Variants in STX18 observed in about 807,000 individuals in gnomAD.
STX18 encodes the protein syntaxin-18.
In STX18, 40 loss-of-function variants were observed where a neutral mutation model predicts 50.1. The observed-to-expected ratio is 0.80, with a 90% confidence interval of 0.62 to 1.04. The LOEUF is 1.04. Ranked by LOEUF, STX18 falls within the 50% of genes least tolerant of loss-of-function variation. STX18 has a pLI of 0.00. For missense variants in STX18, 410 were observed against 415.8 expected, an observed-to-expected ratio of 0.99 and a Z score of 0.12; for synonymous variants, 158 against 151.8, an observed-to-expected ratio of 1.04 and a Z score of -0.30.
intron 1 of STX18, among the ~76,000 whole-genome samples, chr4:4,516,489 C>G (rs1259664228): frequency 6.6e-6 from 1 of 151,978 alleles, no homozygotes; most frequent in Non-Finnish European, 1.5e-5. Context: ...TGCCTCTTTT[C>G]CGACAGGAAT....
At chr4:4,514,173 C>T (rs1275267110) in intron 1 of STX18, among the ~76,000 whole-genome samples, 2 of 152,160 alleles carry the variant, frequency 1.3e-5, no homozygotes, top group African/African-American at 4.8e-5. Flanking sequence ...TTCTGCAAGG[C>T]TTCTCCAAGA....
Position 4,425,186 on chromosome 4 carries a change from T to G in STX18, c.739A>C (p.Asn247His). Residue 247 changes from asparagine (N) to histidine (H), a missense_variant, in exon 8 of 11, where the codon AAC becomes CAC. Physicochemically the swap from Asn to His is moderately conservative, Grantham distance 68 (BLOSUM62 1). Transcript: ENST00000306200. ...TACCTCACTTCATCAAACAAGCTGT[T>G]CATTTCACCAATTAGTCGCTGATTT... ...QENQRLIGEM[N>H]SLFDEVRQIE... The G allele has an allele frequency of 6.2e-7, 1 of 1,614,178 alleles. No homozygotes were observed. The highest frequency in any genetic ancestry group is 1.3e-5 in the African/African-American group (1 of 75,056).
intron 1 of STX18, among the ~76,000 whole-genome samples, chr4:4,495,254 A>G (rs1157144904): frequency 1.3e-5 from 2 of 152,250 alleles, no homozygotes. Flanking sequence ...TATAAGTTCT[A>G]GGCTAATATT....
intron 5 of STX18, among the ~76,000 whole-genome samples, chr4:4,456,022 C>T (rs192809397): frequency 2.0e-5 from 3 of 152,162 alleles, no homozygotes; most frequent in Admixed American, 1.3e-4. Flanking sequence ...TGGTGGCTCA[C>T]GCCTGTAGTC....
At position 4,526,869 on chromosome 4, in the gene STX18, G is replaced by A. The variant is rs190333607; in HGVS notation, c.168+14928C>T. ...ACAAGTAAGGTATTTTTTTAGGACTGAAATGTTTCCAGATTTCATCTTTTG... is the reference window on the plus strand; with the variant it reads ...ACAAGTAAGGTATTTTTTTAGGACTAAAATGTTTCCAGATTTCATCTTTTG... On this transcript the variant is annotated intron_variant, in intron 1 of 10. Coordinates refer to ENST00000306200, the MANE Select transcript of STX18 (RefSeq NM_016930.4). Among the ~76,000 whole-genome samples, 17 of 152,188 alleles carry A rather than the reference G, an allele frequency of 1.1e-4. No homozygotes were observed. The East Asian group carries it at 3.3e-3, about 29-fold the overall frequency.
At position 4,512,116 on chromosome 4, in the gene STX18, A is replaced by G. The variant is rs576318923; in HGVS notation, c.168+29681T>C. ...CGAGCCACTGGTTTAAATGATCAAA[A>G]GATGGGAACGGCAAGGATACAGCTA... On this transcript the variant is annotated intron_variant, in intron 1 of 10. Transcript: ENST00000306200. 2.0e-5 allele frequency among the ~76,000 whole-genome samples: 3 copies of G among 152,226 alleles called. No individual in the cohort carries two copies. In the South Asian group the frequency reaches 6.2e-4, roughly 32 times the overall value.
chr4:4,426,805 C>T (rs756029025), intron 7 of STX18, among the ~76,000 whole-genome samples: 1 of 152,172 alleles, frequency 6.6e-6, no homozygotes, highest in Non-Finnish European at 1.5e-5. Context: ...TGCCAGAATG[C>T]CTCATGGTGG....
chr4:4,472,703 A>C (rs1220035032), intron 1 of STX18, among the ~76,000 whole-genome samples: 1 of 152,144 alleles, frequency 6.6e-6, no homozygotes, highest in East Asian at 1.9e-4. Context: ...CAGTGGCAGA[A>C]CTATGCAAGG....
At chr4:4,471,839 G>A (rs1560181073) in intron 1 of STX18, 133 bp from the exon 2 acceptor site, 1 of 622,958 alleles carries the variant, frequency 1.6e-6, no homozygotes, top group Non-Finnish European at 2.7e-6. Context: ...GTCGGTTTTG[G>A]ACTCTCGTAC....
In STX18 at chr4:4,437,917, A is replaced by C. The variant is rs373072709; in HGVS notation, c.613+477T>G. The stretch of plus-strand genomic sequence containing the variant: ...TGTGCATCAGGAACTATTCTAAGCC[A>C]TGGGCCCTCTAGTATCTGTGGTGAT... On this transcript the variant is annotated intron_variant, in intron 6 of 10. Coordinates refer to ENST00000306200, the MANE Select transcript of STX18 (RefSeq NM_016930.4). Among the ~76,000 whole-genome samples, 11 of 152,234 alleles carry C rather than the reference A, an allele frequency of 7.2e-5. No homozygotes were observed. The East Asian group carries it at 1.7e-3, about 24-fold the overall frequency.
At chr4:4,463,807 C>T (rs926359296) in intron 2 of STX18, among the ~76,000 whole-genome samples, 3 of 152,034 alleles carry the variant, frequency 2.0e-5, no homozygotes, top group Non-Finnish European at 4.4e-5. Flanking sequence ...TAACTCAGAG[C>T]TTAAAAATAA....
chr4:4,537,872 A>G (rs61044801), intron 1 of STX18, among the ~76,000 whole-genome samples: 5,069 of 152,178 alleles, frequency 0.033, 280 homozygotes, highest in African/African-American at 0.11. Context: ...AATTAACTCA[A>G]GAAGAAGAAA....
At chr4:4,521,643 A>C (rs1730514919) in intron 1 of STX18, among the ~76,000 whole-genome samples, 1 of 152,178 alleles carries the variant, frequency 6.6e-6, no homozygotes, top group South Asian at 2.1e-4. Flanking sequence ...TAAAATTATT[A>C]ACTGATCAAA....
intron 1 of STX18, among the ~76,000 whole-genome samples, chr4:4,486,111 G>A (rs894838694): frequency 2.6e-5 from 4 of 152,190 alleles, no homozygotes; most frequent in African/African-American, 9.7e-5. Context: ...TTTGAAGGTT[G>A]CATGGAAAGA....
rs754364875 is a variant in STX18 at position 4,420,105 on chromosome 4, G to A, written c.937C>T (p.Arg313Cys). 4 of 1,612,776 alleles carry A rather than the reference G, an allele frequency of 2.5e-6. No homozygotes were observed. The highest frequency in any genetic ancestry group is 2.2e-5 in the East Asian group (1 of 44,818). ...REAIKNNAGF[R>C]VWILFFLVMC... ...ACGAGGAAGAAGAGGATCCACACGC[G>A]GAAGCCAGCGTTGTTTTTAATGGCC... Residue 313 changes from arginine (R) to cysteine (C), a missense_variant, in exon 11 of 11, where the codon CGC (arginine) becomes TGC (cysteine). Physicochemically the swap from Arg to Cys is radical, Grantham distance 180 (BLOSUM62 -3). Coordinates refer to ENST00000306200, the MANE Select transcript of STX18 (RefSeq NM_016930.4). The surrounding 1 kb of genome is among the most constrained non-coding windows in gnomAD (Gnocchi z 4.3).
In STX18 at chr4:4,445,924, C is replaced by G. The variant is rs532445668; in HGVS notation, c.498-7415G>C. 1.1e-4 allele frequency among the ~76,000 whole-genome samples: 17 copies of G among 152,232 alleles called. No individual in the cohort carries two copies. The South Asian group carries it at 3.5e-3, about 32-fold the overall frequency. On this transcript the variant is annotated intron_variant, in intron 5 of 10. Coordinates refer to ENST00000306200, the MANE Select transcript of STX18 (RefSeq NM_016930.4). ...TTGAAGGATTTACAACTAGCTGATTCCAAGACTTATGATAAAACCACAGTA... is the reference window on the plus strand; with the variant it reads ...TTGAAGGATTTACAACTAGCTGATTGCAAGACTTATGATAAAACCACAGTA...
chr4:4,536,328 G>A (rs927840286), intron 1 of STX18, among the ~76,000 whole-genome samples: 3 of 152,224 alleles, frequency 2.0e-5, no homozygotes, highest in Non-Finnish European at 4.4e-5. Context: ...TGTTCTAGAA[G>A]CTACAGATTC....
chr4:4,523,652 C>G (rs755752572), intron 1 of STX18, among the ~76,000 whole-genome samples: 1 of 152,312 alleles, frequency 6.6e-6, no homozygotes, highest in East Asian at 1.9e-4. Context: ...TCTATAGTAA[C>G]GAGCTGAGTT....
chr4:4,447,945 G>C (rs958896449), intron 5 of STX18, among the ~76,000 whole-genome samples: 1 of 151,814 alleles, frequency 6.6e-6, no homozygotes, highest in African/African-American at 2.4e-5. Context: ...GAGTATACTT[G>C]TACAATCTGT....
Sources: allele counts gnomAD v4.1 joint callset (sites outside exome capture counted in the v4.1 genomes callset), GRCh38; gene constraint gnomAD v4.1.1; non-coding constraint Gnocchi (gnomAD v3.1); transcripts MANE v1.5; gene names NCBI Gene and HGNC (gene_info 2026-07-23, HGNC 2026-07-21).